Variants in CACNA2D1 observed in about 807,000 individuals in gnomAD.
The protein encoded by CACNA2D1 is voltage-dependent calcium channel subunit alpha-2/delta-1.
A neutral mutation model predicts 171.5 loss-of-function variants in CACNA2D1; 53 were observed. The observed-to-expected ratio is 0.31, with a 90% CI of 0.25 to 0.39. The LOEUF (loss-of-function observed/expected upper bound fraction) is 0.39, where lower values mean the gene tolerates loss of function less well. Ranked by LOEUF, CACNA2D1 falls within the 10% of genes least tolerant of loss-of-function variation. The probability of loss-of-function intolerance (pLI) is 1.00; values close to 1 mark genes in which losing one functional copy is unlikely to be tolerated. For missense variants in CACNA2D1, 903 were observed against 1,299.8 expected (o/e 0.69, Z 4.69); for synonymous variants, 442 against 443.1 (o/e 1.00, Z 0.03).
At chr7:82,167,523 G>T (rs1795578128) in intron 4 of CACNA2D1, among the ~76,000 whole-genome samples, 2 of 151,954 alleles carry the variant, frequency 1.3e-5, no homozygotes, top group East Asian at 1.9e-4. Context: ...CTTCATTGAG[G>T]TTCTATTCTC....
At position 82,003,091 on chromosome 7, in the gene CACNA2D1, G is replaced by T. The variant is rs113907436; in HGVS notation, c.1590+2332C>A. On this transcript the variant is annotated intron_variant, in intron 18 of 38. Transcript: ENST00000356860. The stretch of plus-strand genomic sequence containing the variant: ...CTTATACTATATCATCCTTTTATGA[G>T]GTCTTGTATCAATCTGTATAGCGTG... 9.4e-3 allele frequency among the ~76,000 whole-genome samples: 1,431 copies of T among 152,004 alleles called. 21 individuals carry two copies. Among genetic ancestry groups the T allele is most frequent in the African/African-American group, 0.033 (1,362 of 41,470 alleles).
At chr7:82,000,196 T>C (rs1270275492) in intron 18 of CACNA2D1, among the ~76,000 whole-genome samples, 1 of 151,646 alleles carries the variant, frequency 6.6e-6, no homozygotes, top group Non-Finnish European at 1.5e-5. Flanking sequence ...GAGGGAGAGG[T>C]TGCAGTAAGC....
intron 1 of CACNA2D1, chr7:82,410,507 A>AAG: frequency 2.0e-6 from 2 of 985,384 alleles, no homozygotes; most frequent in Non-Finnish European, 2.4e-6. Context: ...TACCTCTTTC[A>AAG]TGAGCTCAGT....
At chr7:81,972,659 A>G (rs990086336) in intron 25 of CACNA2D1, among the ~76,000 whole-genome samples, 1 of 151,958 alleles carries the variant, frequency 6.6e-6, no homozygotes, top group Non-Finnish European at 1.5e-5. Context: ...TTCTTAAACA[A>G]AAACCTCTGC....
intron 21 of CACNA2D1, among the ~76,000 whole-genome samples, chr7:81,987,400 T>A (rs914840788): frequency 6.6e-6 from 1 of 152,174 alleles, no homozygotes; most frequent in Non-Finnish European, 1.5e-5. Flanking sequence ...CCAGGCAGTG[T>A]TTTGTGACTG....
At chr7:82,352,226 T>A (rs1269018302) in intron 1 of CACNA2D1, among the ~76,000 whole-genome samples, 1 of 152,160 alleles carries the variant, frequency 6.6e-6, no homozygotes, top group African/African-American at 2.4e-5. Flanking sequence ...TTTTCTGAAA[T>A]ACTTAGGCAC....
At chr7:82,322,629 T>A (rs1816136581) in intron 3 of CACNA2D1, among the ~76,000 whole-genome samples, 1 of 151,830 alleles carries the variant, frequency 6.6e-6, no homozygotes, top group Admixed American at 6.6e-5. Context: ...AAAAAAATAA[T>A]AAAAATAAAA....
At chr7:82,356,072 A>T (rs1294462885) in intron 1 of CACNA2D1, among the ~76,000 whole-genome samples, 1 of 152,092 alleles carries the variant, frequency 6.6e-6, no homozygotes, top group African/African-American at 2.4e-5. Context: ...GTAGTATCTC[A>T]GCATTTTTCC....
At chr7:81,975,363 A>G (rs1795733555) in intron 24 of CACNA2D1, among the ~76,000 whole-genome samples, 1 of 152,166 alleles carries the variant, frequency 6.6e-6, no homozygotes, top group Non-Finnish European at 1.5e-5. Context: ...AAAAAGTGGC[A>G]ATGTTTTACA....
intron 22 of CACNA2D1, 126 bp from the exon 23 acceptor site, chr7:81,983,460 G>T (rs1796643333): frequency 1.3e-6 from 1 of 745,676 alleles, no homozygotes; most frequent in South Asian, 1.5e-5. Flanking sequence ...TAGATCAAAG[G>T]TTCATTTATG....
intron 1 of CACNA2D1, among the ~76,000 whole-genome samples, chr7:82,396,005 T>C (rs1023387348): frequency 6.6e-6 from 1 of 152,222 alleles, no homozygotes; most frequent in African/African-American, 2.4e-5. Context: ...CTTTTCAGCA[T>C]TACAGAATTG....
intron 36 of CACNA2D1, among the ~76,000 whole-genome samples, chr7:81,961,404 T>C (rs1250489051): frequency 6.6e-6 from 1 of 151,974 alleles, no homozygotes; most frequent in Non-Finnish European, 1.5e-5. Flanking sequence ...CATTCAGTTC[T>C]TCAAGTCAGA....
chr7:82,319,850 G>T (rs1259830520), intron 3 of CACNA2D1, among the ~76,000 whole-genome samples: 2 of 152,164 alleles, frequency 1.3e-5, no homozygotes, highest in Non-Finnish European at 2.9e-5. Context: ...GGAGTAGACA[G>T]TCTTTTGTAA....
intron 10 of CACNA2D1, among the ~76,000 whole-genome samples, chr7:82,055,472 A>G (rs906726623): frequency 6.6e-6 from 1 of 152,036 alleles, no homozygotes; most frequent in Non-Finnish European, 1.5e-5. Context: ...ACGTATGTTT[A>G]CTGCAGCACT....
intron 1 of CACNA2D1, among the ~76,000 whole-genome samples, chr7:82,422,541 G>A (rs925632771): frequency 1.4e-4 from 22 of 152,044 alleles, no homozygotes; most frequent in East Asian, 3.9e-4. Context: ...AATTCAATTC[G>A]TTTTAAGTGA....
At chr7:82,371,271 G>C (rs187075931) in intron 1 of CACNA2D1, among the ~76,000 whole-genome samples, 4 of 152,202 alleles carry the variant, frequency 2.6e-5, no homozygotes, top group African/African-American at 9.7e-5. Context: ...TTATAGCAAA[G>C]TGATGGGTAA....
intron 3 of CACNA2D1, among the ~76,000 whole-genome samples, chr7:82,324,651 G>A (rs1321540765): frequency 6.6e-6 from 1 of 152,072 alleles, no homozygotes; most frequent in Non-Finnish European, 1.5e-5. Flanking sequence ...TGTAACGTAA[G>A]AGAGGAAATG....
At chr7:82,324,292 A>T (rs1289499851) in intron 3 of CACNA2D1, among the ~76,000 whole-genome samples, 1 of 148,854 alleles carries the variant, frequency 6.7e-6, no homozygotes, top group East Asian at 2.1e-4. Flanking sequence ...CGGGAGGTGG[A>T]GTTTGCAGTG....
chr7:82,068,241 C>T (rs1449877800), intron 7 of CACNA2D1, among the ~76,000 whole-genome samples: 5 of 152,182 alleles, frequency 3.3e-5, no homozygotes, highest in African/African-American at 1.2e-4. Flanking sequence ...GTCACCTGTA[C>T]CCCTCCAGCC....
Sources: allele counts gnomAD v4.1 joint callset (sites outside exome capture counted in the v4.1 genomes callset), GRCh38; gene constraint gnomAD v4.1.1; transcripts MANE v1.5; gene names NCBI Gene and HGNC (gene_info 2026-07-23, HGNC 2026-07-21).